The following SEPTIN7 variants were observed in gnomAD, a reference collection of about 807,000 sequenced individuals.
The protein encoded by SEPTIN7 is septin 7.
A neutral mutation model predicts 63.3 loss-of-function variants in SEPTIN7; 10 were observed. The observed-to-expected ratio is 0.16, with a 90% CI of 0.10 to 0.27. The LOEUF (loss-of-function observed/expected upper bound fraction) is 0.27, where lower values mean the gene tolerates loss of function less well. SEPTIN7 is among the 10% of genes least tolerant of loss of function. The pLI, the probability that SEPTIN7 is intolerant of heterozygous loss-of-function variation, is 1.00. For missense variants in SEPTIN7, 310 were observed against 521.0 expected, an observed-to-expected ratio of 0.59 and a Z score of 3.94; for synonymous variants, 131 against 165.3, an observed-to-expected ratio of 0.79 and a Z score of 1.59.
At chr7:35,811,204 T>C (rs1788687441) in intron 1 of SEPTIN7, among the ~76,000 whole-genome samples, 1 of 152,162 alleles carries the variant, frequency 6.6e-6, no homozygotes, top group Non-Finnish European at 1.5e-5. Flanking sequence ...GTTCTTTCCA[T>C]TTATATATTT....
rs1583624205 is a variant in SEPTIN7, at chr7:35,885,717, T to G, written c.821-111T>G. 1.2e-5 allele frequency: 9 copies of G among 770,270 alleles called. No homozygotes were observed. The East Asian group carries it at 2.2e-4, about 18-fold the overall frequency. The allele number at this position is 770,270 out of a possible 1,614,324, so 47.7% of individuals were successfully genotyped here. A position where few individuals can be genotyped will look rare whatever the true frequency, so the allele number is the denominator to read the frequency against. On this transcript the variant is annotated intron_variant, in intron 9 of 13. Transcript: ENST00000350320. ...GTGTTAAATCTCAAAAAAATTGATCTGTTTTGCATTTCCTCTTCTTGTTTT... is the reference window on the plus strand; with the variant it reads ...GTGTTAAATCTCAAAAAAATTGATCGGTTTTGCATTTCCTCTTCTTGTTTT...
downstream of SEPTIN7, among the ~76,000 whole-genome samples, chr7:35,910,266 A>G (rs578198932): frequency 6.6e-6 from 1 of 152,368 alleles, no homozygotes; most frequent in South Asian, 2.1e-4. Flanking sequence ...GAGCGGGCGT[A>G]CTAAATAAAG....
intron 1 of SEPTIN7, among the ~76,000 whole-genome samples, chr7:35,809,039 T>A (rs1285392823): frequency 6.6e-6 from 1 of 152,252 alleles, no homozygotes. Context: ...TGTATTGATG[T>A]TATAGTATCA....
intron 3 of SEPTIN7, among the ~76,000 whole-genome samples, chr7:35,849,321 G>A (rs905641846): frequency 8.5e-5 from 13 of 152,076 alleles, no homozygotes; most frequent in Non-Finnish European, 1.6e-4. Context: ...TGTGGGAGGG[G>A]AGCAGGATGG....
At chr7:35,827,019 G>A (rs1204249560) in intron 1 of SEPTIN7, among the ~76,000 whole-genome samples, 1 of 152,122 alleles carries the variant, frequency 6.6e-6, no homozygotes, top group African/African-American at 2.4e-5. Context: ...TTAGAACTAA[G>A]TTACCGGATA....
At chr7:35,914,508 A>G in the SEPTIN7 span, among the ~76,000 whole-genome samples, 1 of 152,136 alleles carries the variant, frequency 6.6e-6, no homozygotes, top group Admixed American at 6.5e-5. Context: ...AGGGTGCAAC[A>G]TCACTTCTTC....
intron 1 of SEPTIN7, among the ~76,000 whole-genome samples, chr7:35,816,054 A>G (rs1583495679): frequency 1.3e-5 from 2 of 152,196 alleles, no homozygotes; most frequent in East Asian, 3.8e-4. Context: ...AGTGTACAGT[A>G]CATGCTTGTT....
chr7:35,869,351 G>A (rs1247676634), intron 4 of SEPTIN7, among the ~76,000 whole-genome samples: 1 of 152,110 alleles, frequency 6.6e-6, no homozygotes, highest in Non-Finnish European at 1.5e-5. Context: ...TCATTTTCTT[G>A]TGGAACACGA....
chr7:35,843,854 C>G lies in SEPTIN7; in HGVS notation c.169+10954C>G, dbSNP rs575079774. Among the ~76,000 whole-genome samples, 10 of 152,076 alleles carry G rather than the reference C, an allele frequency of 6.6e-5. 1 individual carries two copies. Among genetic ancestry groups the G allele is most frequent in the African/African-American group, 2.2e-4 (9 of 41,474 alleles). On this transcript the variant is annotated intron_variant, in intron 3 of 13. Transcript: ENST00000350320. Reference sequence around the variant, plus strand: ...TTCTGTTTCTTGTACTGCCCAGAACCCTAAGTAAGCAGATGATAAATACAA... The same window carrying G: ...TTCTGTTTCTTGTACTGCCCAGAACGCTAAGTAAGCAGATGATAAATACAA...
intron 6 of SEPTIN7, chr7:35,879,559 A>T: frequency 3.7e-6 from 1 of 268,234 alleles, no homozygotes; most frequent in Non-Finnish European, 7.2e-6. Context: ...AGGAAATTCT[A>T]TTAGGAGCCT....
At chr7:35,804,438 A>T (rs1788194819) in intron 1 of SEPTIN7, among the ~76,000 whole-genome samples, 1 of 152,246 alleles carries the variant, frequency 6.6e-6, no homozygotes, top group African/African-American at 2.4e-5. Flanking sequence ...TGAAGGCCGT[A>T]GACCAGACAC....
intron 3 of SEPTIN7, among the ~76,000 whole-genome samples, chr7:35,856,152 A>G (rs1785192096): frequency 6.6e-6 from 1 of 152,208 alleles, no homozygotes; most frequent in Non-Finnish European, 1.5e-5. Flanking sequence ...TCATACTCTT[A>G]TACTAATTTG....
intron 1 of SEPTIN7, among the ~76,000 whole-genome samples, chr7:35,809,942 G>A (rs530443612): frequency 6.6e-6 from 1 of 152,276 alleles, no homozygotes; most frequent in South Asian, 2.1e-4. Context: ...GGACATGAGG[G>A]GGATGGTTGT....
At chr7:35,901,848 T>C (rs1033924793) in intron 12 of SEPTIN7, 3 of 152,162 alleles carry the variant, frequency 2.0e-5, no homozygotes, top group Non-Finnish European at 4.4e-5. Flanking sequence ...GTTCCTACTT[T>C]CTGACATTTC....
At position 35,885,830 on chromosome 7, in the gene SEPTIN7, GA is replaced by G; in HGVS notation, c.827del (p.Asn276MetfsTer10). On this transcript the variant is annotated frameshift_variant, in exon 10 of 14. Coordinates refer to ENST00000350320, the MANE Select transcript of SEPTIN7 (RefSeq NM_001788.6). LOFTEE classifies it high-confidence loss of function. ...TGCGGTCTGCTTTTTTCTTACAGTT[GA>G]AAATGGTGAACATTGTGATTTTACA... Reference protein sequence around the residue: ...RQYPWGVAEVENGEHCDFTIL... With the variant: ...RQYPWGVAEVXNGEHCDFTIL... The G allele has an allele frequency of 6.2e-7, 1 of 1,604,220 alleles. No individual in the cohort carries two copies. The highest frequency in any genetic ancestry group is 8.5e-7 in the Non-Finnish European group (1 of 1,173,250).
At chr7:35,866,239 C>T (rs1785799864) in intron 4 of SEPTIN7, among the ~76,000 whole-genome samples, 1 of 152,130 alleles carries the variant, frequency 6.6e-6, no homozygotes, top group African/African-American at 2.4e-5. Flanking sequence ...AAGAACATGC[C>T]ATATTACAGA....
intron 3 of SEPTIN7, among the ~76,000 whole-genome samples, chr7:35,844,132 C>T (rs762543615): frequency 6.5e-4 from 99 of 152,040 alleles, no homozygotes; most frequent in Non-Finnish European, 2.6e-4. Flanking sequence ...ACTGATGAAG[C>T]GGATGACATG....
At chr7:35,872,577 G>C in intron 4 of SEPTIN7, 89 bp from the exon 5 acceptor site, 1 of 944,448 alleles carries the variant, frequency 1.1e-6, no homozygotes, top group South Asian at 1.4e-5. Flanking sequence ...AGTTGGTTTT[G>C]ATAAACTCGA....
chr7:35,904,200 T>C (rs1788487530), intron 13 of SEPTIN7, 54 bp from the exon 14 acceptor site: 3 of 1,345,278 alleles, frequency 2.2e-6, no homozygotes, highest in Admixed American at 2.4e-5. Context: ...TCATGTTGTC[T>C]ATCATGTTTA....
Sources: gnomAD v4.1 joint callset for allele counts (sites outside exome capture counted in the v4.1 genomes callset) on GRCh38, gnomAD v4.1.1 for gene constraint, MANE v1.5 for transcripts, NCBI Gene and HGNC (gene_info 2026-07-23, HGNC 2026-07-21) for gene names.